Variants in GTF2A1 observed in about 807,000 individuals in gnomAD.
GTF2A1 encodes general transcription factor IIA subunit 1.
A neutral mutation model predicts 54.1 loss-of-function variants in GTF2A1; 12 were observed. The ratio of observed to expected loss-of-function variants is 0.22; its 90% CI spans 0.14 to 0.36. The LOEUF (loss-of-function observed/expected upper bound fraction) is 0.36, where lower values mean the gene tolerates loss of function less well. Among genes scored for constraint, GTF2A1 ranks in the 10% least tolerant of loss-of-function variants. The pLI is 1.00. For synonymous variants in GTF2A1, 145 were observed against 152.0 expected (o/e 0.95, Z 0.34); for missense variants, 335 against 442.2 (o/e 0.76, Z 2.17).
chr14:81,193,144 A>G (rs1454161406), intron 6 of GTF2A1, among the ~76,000 whole-genome samples: 5 of 151,726 alleles, frequency 3.3e-5, no homozygotes, highest in African/African-American at 1.2e-4. Context: ...CACTGGACTG[A>G]GAATCTGAAA....
chr14:81,213,969 A>C (rs1018916056), intron 2 of GTF2A1, among the ~76,000 whole-genome samples: 1 of 150,948 alleles, frequency 6.6e-6, no homozygotes, highest in African/African-American at 2.4e-5. Flanking sequence ...CAGCCTCCCC[A>C]GTAGCTGGGA....
rs1892518510 is a variant in GTF2A1 at position 81,175,993 on chromosome 14, ACT to A, written c.*4228_*4229del. On this transcript the variant is annotated 3_prime_UTR_variant, in exon 9 of 9. Coordinates refer to ENST00000553612, the MANE Select transcript of GTF2A1 (RefSeq NM_015859.4). The stretch of plus-strand genomic sequence containing the variant: ...CTAATTCAAATTGACATCTCAATCT[ACT>A]TATCTTTAAGGTACAGAATTTAGCA... 1 of 152,182 alleles carries A rather than the reference ACT, an allele frequency of 6.6e-6. No homozygotes were observed. The highest frequency in any genetic ancestry group is 1.5e-5 in the Non-Finnish European group (1 of 68,000). The allele number at this position is 152,182 out of a possible 1,614,324, so 9.4% of individuals were successfully genotyped here. A position where few individuals can be genotyped will look rare whatever the true frequency, so the allele number is the denominator to read the frequency against.
chr14:81,198,614 T>C (rs550616642), intron 4 of GTF2A1, among the ~76,000 whole-genome samples: 1 of 152,360 alleles, frequency 6.6e-6, no homozygotes, highest in South Asian at 2.1e-4. Context: ...TGGTTTTTTA[T>C]TCTGCACTTT....
At chr14:81,185,646 T>C in intron 7 of GTF2A1, 26 bp from the exon 8 acceptor site, 1 of 1,257,518 alleles carries the variant, frequency 8.0e-7, no homozygotes, top group East Asian at 2.3e-5. Flanking sequence ...GAGTTCTTAT[T>C]ACTATAAGAA....
At chr14:81,212,705 A>T (rs1302578134) in intron 2 of GTF2A1, among the ~76,000 whole-genome samples, 1 of 152,250 alleles carries the variant, frequency 6.6e-6, no homozygotes, top group Non-Finnish European at 1.5e-5. Flanking sequence ...AGTTCGTTTT[A>T]TTAAGCAAGA....
At chr14:81,196,313 TA>T in intron 5 of GTF2A1, 72 bp from the exon 6 acceptor site, 1 of 1,465,654 alleles carries the variant, frequency 6.8e-7, no homozygotes, top group South Asian at 1.1e-5. Flanking sequence ...AATTCATATT[TA>T]ATTTCATACC....
At chr14:81,188,537 C>A (rs1459060046) in intron 7 of GTF2A1, among the ~76,000 whole-genome samples, 1 of 151,992 alleles carries the variant, frequency 6.6e-6, no homozygotes, top group Non-Finnish European at 1.5e-5. Context: ...TTTGCGAGGC[C>A]GAGGTGGGCA....
chr14:81,201,523 T>C, intron 4 of GTF2A1, 71 bp downstream of exon 4: 1 of 869,460 alleles, frequency 1.2e-6, no homozygotes, highest in Admixed American at 1.9e-5. Context: ...ATATAGGACA[T>C]ATATAGGCAT....
chr14:81,220,700 G>GCCCCC lies in GTF2A1; in HGVS notation c.-183_-182insGGGGG. The GCCCCC allele has an allele frequency of 1.6e-5, 5 of 304,932 alleles. No homozygotes were observed. The highest frequency in any genetic ancestry group is 5.1e-5 in the East Asian group (1 of 19,692). 18.9% of individuals were successfully genotyped at this position (304,932 alleles called of 1,614,324 possible). On this transcript the variant is annotated 5_prime_UTR_variant, in exon 1 of 9. Coordinates refer to ENST00000553612, the MANE Select transcript of GTF2A1 (RefSeq NM_015859.4). ...GAGCGGAGAGAGGAGGAGGAGGGGG[G>GCCCCC]CACTCCTCCCGCAGCTGAAAACCTC... is the stretch of plus-strand genomic sequence containing the variant.
intron 3 of GTF2A1, among the ~76,000 whole-genome samples, chr14:81,202,158 T>C (rs1893126670): frequency 6.6e-6 from 1 of 152,042 alleles, no homozygotes. Context: ...TTCCTAAGGA[T>C]GCAAGGGAAT....
At position 81,187,012 on chromosome 14, in the gene GTF2A1, T is replaced by C. The variant is rs545010550; in HGVS notation, c.934-1392A>G. Among the ~76,000 whole-genome samples the C allele has an allele frequency of 3.9e-5, 6 of 152,170 alleles. No individual in the cohort carries two copies. In the South Asian group the frequency reaches 1.0e-3, roughly 26 times the overall value. ...CTATACCTACTTACACAGGTGTGTA[T>C]GTATAGATATTCTTTAATTTAAAAT... On this transcript the variant is annotated intron_variant, in intron 7 of 8. Transcript: ENST00000553612.
chr14:81,207,044 G>C (rs974789270), intron 2 of GTF2A1, among the ~76,000 whole-genome samples: 1 of 152,148 alleles, frequency 6.6e-6, no homozygotes, highest in Non-Finnish European at 1.5e-5. Flanking sequence ...CTGTTATCAA[G>C]GCGAATTTTT....
Position 81,179,854 on chromosome 14 carries a change from G to A in GTF2A1, c.*369C>T, listed in dbSNP as rs1225394217. On this transcript the variant is annotated 3_prime_UTR_variant, in exon 9 of 9. Coordinates refer to ENST00000553612, the MANE Select transcript of GTF2A1 (RefSeq NM_015859.4). ...GCAGTTTCAGTTCAATCTATCAAAA[G>A]GGAAGTTTCTTCAGTTCATTCCAAC... 1 of 156,606 alleles carries A rather than the reference G, an allele frequency of 6.4e-6. No homozygotes were observed. Among genetic ancestry groups the A allele is most frequent in the Admixed American group, 6.5e-5 (1 of 15,372 alleles). The allele number at this position is 156,606 out of a possible 1,614,324, so 9.7% of individuals were successfully genotyped here.
chr14:81,210,569 T>G (rs1893341940), intron 2 of GTF2A1, among the ~76,000 whole-genome samples: 1 of 152,178 alleles, frequency 6.6e-6, no homozygotes, highest in Non-Finnish European at 1.5e-5. Context: ...TTTTGTTTTT[T>G]TTGGATATGG....
rs878986587 is a variant in GTF2A1, at chr14:81,177,364, T to C, written c.*2859A>G. 1.3e-5 allele frequency: 2 copies of C among 152,124 alleles called. No homozygotes were observed. Among genetic ancestry groups the C allele is most frequent in the African/African-American group, 4.8e-5 (2 of 41,452 alleles). 9.4% of individuals were successfully genotyped at this position (152,124 alleles called of 1,614,324 possible). A position where few individuals can be genotyped will look rare whatever the true frequency, so the allele number is the denominator to read the frequency against. On this transcript the variant is annotated 3_prime_UTR_variant, in exon 9 of 9. Transcript: ENST00000553612. ...TTTTACTCTAGAAATTAATTGCACA[T>C]TAAAGAGTTGTTTTAGCCATATGTG...
At chr14:81,194,414 TG>T (rs1164601919) in intron 6 of GTF2A1, among the ~76,000 whole-genome samples, 1 of 152,208 alleles carries the variant, frequency 6.6e-6, no homozygotes, top group Non-Finnish European at 1.5e-5. Flanking sequence ...TTGGGGGAAG[TG>T]CAGGGAGTTG....
At position 81,194,170 on chromosome 14, in the gene GTF2A1, A is replaced by G. The variant is rs1892940243; in HGVS notation, c.613-1331T>C. ...CACCACCTGAACTCTGCTTCCTGTCAGATCAGCAGCAGCATGAGATTCTCA... is the reference window on the plus strand; with the variant it reads ...CACCACCTGAACTCTGCTTCCTGTCGGATCAGCAGCAGCATGAGATTCTCA... On this transcript the variant is annotated intron_variant, in intron 6 of 8. Coordinates refer to ENST00000553612, the MANE Select transcript of GTF2A1 (RefSeq NM_015859.4). 2.0e-5 allele frequency among the ~76,000 whole-genome samples: 3 copies of G among 152,386 alleles called. No homozygotes were observed. In the South Asian group the frequency reaches 6.2e-4, roughly 32 times the overall value.
At chr14:81,207,966 G>A (rs187272252) in intron 2 of GTF2A1, among the ~76,000 whole-genome samples, 108 of 152,298 alleles carry the variant, frequency 7.1e-4, no homozygotes, top group African/African-American at 2.6e-3. Flanking sequence ...ACAAAGCATA[G>A]AAGTTCAGAA....
intron 2 of GTF2A1, among the ~76,000 whole-genome samples, chr14:81,211,636 A>G (rs1269265632): frequency 6.6e-6 from 1 of 151,968 alleles, no homozygotes; most frequent in Non-Finnish European, 1.5e-5. Context: ...AGCCCGTCAC[A>G]TCACAAGCCC....
Sources: gnomAD v4.1 joint callset for allele counts (sites outside exome capture counted in the v4.1 genomes callset) on GRCh38, gnomAD v4.1.1 for gene constraint, MANE v1.5 for transcripts, NCBI Gene and HGNC (gene_info 2026-07-23, HGNC 2026-07-21) for gene names.